The following ANKRD26 variants were observed in gnomAD, a reference collection of about 807,000 sequenced individuals.
The protein encoded by ANKRD26 is ankyrin repeat domain 26.
A neutral mutation model predicts 208.7 loss-of-function variants in ANKRD26; 141 were observed. The ratio of observed to expected loss-of-function variants is 0.68; its 90% CI spans 0.59 to 0.78. ANKRD26 has a LOEUF of 0.78. ANKRD26 is among the 30% of genes least tolerant of loss of function. The pLI is 0.00. For missense variants in ANKRD26, 1,889 were observed against 1,938.7 expected, an observed-to-expected ratio of 0.97 and a Z score of 0.48; for synonymous variants, 636 against 660.4, an observed-to-expected ratio of 0.96 and a Z score of 0.57.
chr10:27,069,989 T>C (rs1007115716), intron 9 of ANKRD26, among the ~76,000 whole-genome samples: 2 of 151,116 alleles, frequency 1.3e-5, no homozygotes, highest in Non-Finnish European at 2.9e-5. Context: ...TGGTGGTGCA[T>C]GCCCATGGTC....
Position 27,053,341 on chromosome 10 carries a change from C to T in ANKRD26, c.1614G>A (p.Gly538=), listed in dbSNP as rs2135387963. Residue 538 remains glycine (G), a synonymous_variant, in exon 16 of 34, where the codon GGG becomes GGA. Coordinates refer to ENST00000376087, the MANE Select transcript of ANKRD26 (RefSeq NM_014915.3). ...VASEEEQERE[G]SENNQPQVEE... ...ATACCTGTGGCTGGTTATTTTCACT[C>T]CCTTCCCTTTCTTGCTCTTCTTCTG... 1.2e-6 allele frequency: 2 copies of T among 1,610,352 alleles called. No homozygotes were observed. The highest frequency in any genetic ancestry group is 2.2e-5 in the East Asian group (1 of 44,604).
chr10:26,972,798 G>A (rs1191615688), downstream of ANKRD26, among the ~76,000 whole-genome samples: 2 of 152,010 alleles, frequency 1.3e-5, no homozygotes, highest in African/African-American at 4.8e-5. Flanking sequence ...CACCGTGTTA[G>A]CCAGGATGGT....
chr10:27,071,159 ATTTTTTT>A (rs71386906), intron 9 of ANKRD26, among the ~76,000 whole-genome samples: 7 of 85,864 alleles, frequency 8.2e-5, no homozygotes, highest in East Asian at 3.7e-4. Flanking sequence ...TGCTACATTC[ATTTTTTT>A]TTTTTTTTTT....
At chr10:27,057,805 C>T (rs1005493188) in intron 15 of ANKRD26, among the ~76,000 whole-genome samples, 23 of 152,024 alleles carry the variant, frequency 1.5e-4, no homozygotes, top group Admixed American at 1.2e-3. Context: ...GCCTTGTTGG[C>T]GCGCGCCTGT....
At chr10:27,002,866 A>G (rs67294619), downstream of ANKRD26, among the ~76,000 whole-genome samples, 14,266 of 152,214 alleles carry the variant, frequency 0.094, 793 homozygotes, top group East Asian at 0.28. Context: ...CAGCACCACC[A>G]CTACAACCAC....
intron 16 of ANKRD26, among the ~76,000 whole-genome samples, chr10:27,049,429 C>T (rs993055052): frequency 6.6e-6 from 1 of 152,152 alleles, no homozygotes; most frequent in East Asian, 1.9e-4. Flanking sequence ...CCCCTTTCTG[C>T]ACTAAGATAT....
intron 21 of ANKRD26, among the ~76,000 whole-genome samples, chr10:27,038,373 G>A (rs1418631161): frequency 6.6e-6 from 1 of 152,128 alleles, no homozygotes; most frequent in East Asian, 1.9e-4. Context: ...TTTTGGCTGG[G>A]TGCCAGTAGT....
rs571478944 is a variant in ANKRD26, at chr10:27,008,822, C to A, written c.4954-1860G>T. On this transcript the variant is annotated intron_variant, in intron 32 of 33. Coordinates refer to ENST00000376087, the MANE Select transcript of ANKRD26 (RefSeq NM_014915.3). ...TCCCGCTACATAAAGTCTCTTCCAGCCTCTCAATGACCCTTGAATTTATTT... is the reference window on the plus strand; with the variant it reads ...TCCCGCTACATAAAGTCTCTTCCAGACTCTCAATGACCCTTGAATTTATTT... Among the ~76,000 whole-genome samples, 7 of 152,152 alleles carry A rather than the reference C, an allele frequency of 4.6e-5. No homozygotes were observed. The South Asian group carries it at 1.5e-3, about 32-fold the overall frequency.
intron 3 of ANKRD26, 42 bp from the exon 4 acceptor site, chr10:27,092,554 T>G: frequency 7.0e-7 from 1 of 1,424,366 alleles, no homozygotes; most frequent in Non-Finnish European, 9.9e-7. Flanking sequence ...TAAAATTACA[T>G]AATTCTCGGC....
the ANKRD26 span, among the ~76,000 whole-genome samples, chr10:26,958,536 T>A: frequency 6.6e-6 from 1 of 152,140 alleles, no homozygotes; most frequent in African/African-American, 2.4e-5. Flanking sequence ...TCAGACTAGC[T>A]CCATCTTATA....
intron 27 of ANKRD26, among the ~76,000 whole-genome samples, chr10:27,025,000 A>G (rs1460024223): frequency 6.6e-6 from 1 of 152,052 alleles, no homozygotes; most frequent in Non-Finnish European, 1.5e-5. Flanking sequence ...AAGATGAGCT[A>G]TCTCTCATTC....
At chr10:26,999,448 G>A (rs999707940), downstream of ANKRD26, among the ~76,000 whole-genome samples, 3 of 152,074 alleles carry the variant, frequency 2.0e-5, no homozygotes, top group African/African-American at 7.2e-5. Context: ...TGCTGCTTGT[G>A]GACCTAGCTT....
chr10:26,973,026 A>AT (rs1231537173), downstream of ANKRD26, among the ~76,000 whole-genome samples: 3 of 151,928 alleles, frequency 2.0e-5, no homozygotes, highest in East Asian at 3.9e-4. Flanking sequence ...TCCTGACCTC[A>AT]TTTTTTTTAA....
intron 4 of ANKRD26, among the ~76,000 whole-genome samples, chr10:26,981,326 G>T (rs2052305119): frequency 6.6e-6 from 1 of 152,216 alleles, no homozygotes. Flanking sequence ...AAGGCATCCT[G>T]AGGATTTTAT....
intron 9 of ANKRD26, among the ~76,000 whole-genome samples, chr10:27,073,829 C>G (rs541989070): frequency 6.6e-6 from 1 of 152,124 alleles, no homozygotes; most frequent in South Asian, 2.1e-4. Context: ...AAACAGTAAA[C>G]CTGCTCACAG....
At position 27,086,606 on chromosome 10, in the gene ANKRD26, A is replaced by G; in HGVS notation, c.642T>C (p.Ser214=). ...CTTTATATTCTGAAATTAGTTGGTG[A>G]CTGCTATGTATAGAAAAATGTAACA... ...NVNAVDKLES[S]HQLISEYKEE... is the part of the protein sequence containing the mutation. The change falls in exon 5 of 34, where the codon AGT becomes AGC. Residue 214 remains serine (S), a synonymous_variant. Transcript: ENST00000376087. The G allele has an allele frequency of 6.2e-7, 1 of 1,603,188 alleles. No individual in the cohort carries two copies.
rs2054794080 is a variant in ANKRD26, at chr10:27,055,032, A to C, written c.1565-1642T>G. Among the ~76,000 whole-genome samples the C allele has an allele frequency of 2.6e-5, 4 of 152,218 alleles. No homozygotes were observed. In the South Asian group the frequency reaches 8.3e-4, roughly 31 times the overall value. On this transcript the variant is annotated intron_variant, in intron 15 of 33. Coordinates refer to ENST00000376087, the MANE Select transcript of ANKRD26 (RefSeq NM_014915.3). ...TAATTAGAAGACAATATTGCAGAAC[A>C]AGGATAATGCAGGCCTAAACTGAGG...
At chr10:27,040,688 A>G (rs974283514) in intron 20 of ANKRD26, among the ~76,000 whole-genome samples, 2 of 152,216 alleles carry the variant, frequency 1.3e-5, no homozygotes, top group African/African-American at 4.8e-5. Flanking sequence ...AACGAGTTTC[A>G]AGAGAGTGGA....
chr10:26,988,822 G>A (rs2134656158), downstream of ANKRD26, among the ~76,000 whole-genome samples: 1 of 150,044 alleles, frequency 6.7e-6, no homozygotes, highest in East Asian at 2.0e-4. Flanking sequence ...AAGGTAGGAA[G>A]ATCACTTGAG....
Sources: gnomAD v4.1 joint callset for allele counts (sites outside exome capture counted in the v4.1 genomes callset) on GRCh38, gnomAD v4.1.1 for gene constraint, MANE v1.5 for transcripts, NCBI Gene and HGNC (gene_info 2026-07-23, HGNC 2026-07-21) for gene names.